The following ANKRD36B variants were observed in gnomAD, a reference collection of about 807,000 sequenced individuals.
The protein encoded by ANKRD36B is ankyrin repeat domain 36B.
In ANKRD36B, 37 loss-of-function variants were observed where a neutral mutation model predicts 135.7. The observed-to-expected ratio is 0.27, with a 90% CI of 0.21 to 0.36. The LOEUF (loss-of-function observed/expected upper bound fraction) is 0.36, where lower values mean the gene tolerates loss of function less well. Among genes scored for constraint, ANKRD36B ranks in the 10% least tolerant of loss-of-function variants. The probability of loss-of-function intolerance (pLI) is 1.00; values close to 1 mark genes in which losing one functional copy is unlikely to be tolerated. For missense variants in ANKRD36B, 549 were observed against 1,037.1 expected, an observed-to-expected ratio of 0.53 and a Z score of 6.46; for synonymous variants, 179 against 348.1, an observed-to-expected ratio of 0.51 and a Z score of 5.41.
At chr2:97,567,800 T>C (rs1022272084) in intron 6 of ANKRD36B, among the ~76,000 whole-genome samples, 8 of 152,160 alleles carry the variant, frequency 5.3e-5, no homozygotes, top group Non-Finnish European at 8.8e-5. Flanking sequence ...TCACTAGTCA[T>C]TGACATAAAT....
At chr2:97,550,498 A>G (rs2079943864) in intron 18 of ANKRD36B, among the ~76,000 whole-genome samples, 1 of 151,898 alleles carries the variant, frequency 6.6e-6, no homozygotes, top group South Asian at 2.1e-4. Flanking sequence ...TTTCTAAAGA[A>G]GTTTCATTAA....
chr2:97,511,545 C>CAGTT lies in ANKRD36B; in HGVS notation c.3309_3312dup (p.Glu1105AsnfsTer2). Reference sequence around the variant, plus strand: ...AGAGCCTCTCCTGTGTAATGGAGCTCAGTTTTGAGGACTCTGGACTTACTC... The same window carrying CAGTT: ...AGAGCCTCTCCTGTGTAATGGAGCTCAGTTAGTTTTGAGGACTCTGGACTTACTC... On this transcript the variant is annotated frameshift_variant, in exon 39 of 44. Coordinates refer to ENST00000359901, the MANE Select transcript of ANKRD36B (RefSeq NM_001393939.1). LOFTEE classifies it high-confidence loss of function. 1 of 399,180 alleles carries CAGTT rather than the reference C, an allele frequency of 2.5e-6. No homozygotes were observed. Among genetic ancestry groups the CAGTT allele is most frequent in the Non-Finnish European group, 4.3e-6 (1 of 234,290 alleles). The allele number at this position is 399,180 out of a possible 1,614,324, so 24.7% of individuals were successfully genotyped here. A position where few individuals can be genotyped will look rare whatever the true frequency, so the allele number is the denominator to read the frequency against.
chr2:97,586,966 G>A (rs1230231191), intron 1 of ANKRD36B, among the ~76,000 whole-genome samples: 5 of 152,172 alleles, frequency 3.3e-5, no homozygotes, highest in Non-Finnish European at 4.4e-5. Context: ...CTGAGGTCAG[G>A]AGTTTGAGAC....
chr2:97,563,964 A>G (rs546691206), intron 6 of ANKRD36B, among the ~76,000 whole-genome samples: 6 of 148,436 alleles, frequency 4.0e-5, no homozygotes, highest in Non-Finnish European at 9.0e-5. Context: ...TAAATCAAAT[A>G]CCTCACTGGG....
chr2:97,588,353 G>T (rs1199122266), intron 1 of ANKRD36B, among the ~76,000 whole-genome samples: 1 of 151,676 alleles, frequency 6.6e-6, no homozygotes, highest in Non-Finnish European at 1.5e-5. Context: ...GCCATTACTT[G>T]TAATTGCGGC....
At chr2:97,552,830 C>T (rs941233846) in intron 16 of ANKRD36B, among the ~76,000 whole-genome samples, 3 of 151,884 alleles carry the variant, frequency 2.0e-5, no homozygotes, top group African/African-American at 4.8e-5. Flanking sequence ...TCTATACTTC[C>T]TCTCTTTCTC....
intron 35 of ANKRD36B, among the ~76,000 whole-genome samples, chr2:97,526,368 A>G (rs1231243790): frequency 1.0e-5 from 1 of 97,426 alleles, no homozygotes; most frequent in African/African-American, 3.1e-5. Flanking sequence ...GAAAACTAAC[A>G]AACAGAAAGG....
At chr2:97,548,950 T>G (rs2079764249) in intron 20 of ANKRD36B, among the ~76,000 whole-genome samples, 1 of 151,930 alleles carries the variant, frequency 6.6e-6, no homozygotes, top group African/African-American at 2.4e-5. Context: ...TGCCTCACAA[T>G]CCGTCTTCCT....
chr2:97,548,836 AT>A (rs2079753028), intron 20 of ANKRD36B, among the ~76,000 whole-genome samples: 1 of 152,034 alleles, frequency 6.6e-6, no homozygotes, highest in East Asian at 1.9e-4. Context: ...AAAATCAAGT[AT>A]TTTTTATTAA....
chr2:97,556,165 G>A (rs1275028455), intron 12 of ANKRD36B, among the ~76,000 whole-genome samples: 3 of 151,712 alleles, frequency 2.0e-5, no homozygotes, highest in African/African-American at 7.3e-5. Flanking sequence ...AAAAGCATTC[G>A]GAAAATGCTT....
chr2:97,556,659 A>C (rs143345322), intron 12 of ANKRD36B, among the ~76,000 whole-genome samples: 286 of 151,932 alleles, frequency 1.9e-3, no homozygotes, highest in Non-Finnish European at 2.6e-3. Flanking sequence ...GAAATAAGAG[A>C]AAAATTATGC....
chr2:97,570,795 C>A (rs1189457893), intron 6 of ANKRD36B, among the ~76,000 whole-genome samples: 1 of 152,196 alleles, frequency 6.6e-6, no homozygotes, highest in Non-Finnish European at 1.5e-5. Flanking sequence ...CAGAGTAGGA[C>A]TGTTTGCTGA....
At position 97,578,964 on chromosome 2, in the gene ANKRD36B, A is replaced by C. The variant is rs2082404683; in HGVS notation, c.637T>G (p.Ser213Ala). The change falls in exon 5 of 44, where the codon TCT becomes GCT. Residue 213 changes from serine to alanine, a missense_variant. Ser to Ala is a moderately conservative substitution (Grantham distance 99). Coordinates refer to ENST00000359901, the MANE Select transcript of ANKRD36B (RefSeq NM_001393939.1). The part of the protein sequence containing the change: ...LLLQHNIDVF[S>A]RDVYGKLAED... ...GCAAGCTTTCCATACACATCTCGAG[A>C]AAACACATCAATATTGTGCTGCAGA... 6.2e-7 allele frequency: 1 copy of C among 1,612,996 alleles called. No homozygotes were observed. The highest frequency in any genetic ancestry group is 8.5e-7 in the Non-Finnish European group (1 of 1,179,282).
intron 1 of ANKRD36B, among the ~76,000 whole-genome samples, chr2:97,587,883 T>TG: frequency 6.6e-6 from 1 of 152,330 alleles, no homozygotes; most frequent in East Asian, 1.9e-4. Flanking sequence ...TTTTCCCATG[T>TG]GCATAGGTTG....
At chr2:97,577,338 T>C (rs1353685360) in intron 5 of ANKRD36B, among the ~76,000 whole-genome samples, 1 of 125,654 alleles carries the variant, frequency 8.0e-6, no homozygotes, top group Non-Finnish European at 1.7e-5. Context: ...AAGTTGACAT[T>C]TTCTCATTTC....
chr2:97,585,542 A>T (rs555762986), intron 1 of ANKRD36B, 144 bp from the exon 2 acceptor site: 2 of 1,295,448 alleles, frequency 1.5e-6, no homozygotes, highest in Non-Finnish European at 2.1e-6. Context: ...ACATTAATGA[A>T]AGAGCAGGCT....
intron 1 of ANKRD36B, among the ~76,000 whole-genome samples, chr2:97,588,581 T>G (rs1484000035): frequency 6.6e-6 from 1 of 151,964 alleles, no homozygotes; most frequent in Non-Finnish European, 1.5e-5. Context: ...AAAGACAGCA[T>G]GAGTAATTCA....
At chr2:97,554,871 T>C (rs1262128224) in intron 14 of ANKRD36B, among the ~76,000 whole-genome samples, 189 bp downstream of exon 14, 1 of 151,884 alleles carries the variant, frequency 6.6e-6, no homozygotes, top group Admixed American at 6.6e-5. Context: ...GTCTATAATC[T>C]TACTGTGAAG....
intron 6 of ANKRD36B, among the ~76,000 whole-genome samples, chr2:97,572,883 G>C (rs60013799): frequency 1.3e-5 from 2 of 150,804 alleles, no homozygotes; most frequent in Non-Finnish European, 2.9e-5. Flanking sequence ...TATAAAAGAC[G>C]TCAGCTTCTC....
Sources: gnomAD v4.1 joint callset for allele counts (sites outside exome capture counted in the v4.1 genomes callset) on GRCh38, gnomAD v4.1.1 for gene constraint, MANE v1.5 for transcripts, NCBI Gene and HGNC (gene_info 2026-07-23, HGNC 2026-07-21) for gene names.